TTC27: variants seen among roughly 807,000 people sequenced by gnomAD.
TTC27 encodes tetratricopeptide repeat domain 27, also known as tetratricopeptide repeat protein 27.
TTC27 carries 79 observed loss-of-function variants against 115.9 expected under a neutral mutation model. That is an observed-to-expected ratio of 0.68 (90% CI 0.57 to 0.82). TTC27 has a LOEUF of 0.82. TTC27 is among the 40% of genes least tolerant of loss of function. The pLI, the probability that TTC27 is intolerant of heterozygous loss-of-function variation, is 0.00. For missense variants in TTC27, 1,054 were observed against 993.1 expected, an observed-to-expected ratio of 1.06 and a Z score of -0.82; for synonymous variants, 401 against 356.0, an observed-to-expected ratio of 1.13 and a Z score of -1.42.
intron 5 of TTC27, among the ~76,000 whole-genome samples, chr2:32,663,616 TC>T (rs1330058047): frequency 6.6e-6 from 1 of 151,978 alleles, no homozygotes; most frequent in Admixed American, 6.6e-5. Flanking sequence ...CTATTGGCCA[TC>T]TTGACAGCCA....
chr2:32,650,166 T>G lies in TTC27; in HGVS notation c.573T>G (p.Ile191Met). The G allele has an allele frequency of 6.2e-7, 1 of 1,613,940 alleles. No individual in the cohort carries two copies. Among genetic ancestry groups the G allele is most frequent in the Admixed American group, 1.7e-5 (1 of 60,008 alleles). ...LPWWTLRCVN[I>M]HQHLLEERSP... Reference sequence around the variant, plus strand: ...GGTGGACTTTGAGATGTGTGAATATTCATCAGCATTTGCTTGAGGAACGCT... The same window carrying G: ...GGTGGACTTTGAGATGTGTGAATATGCATCAGCATTTGCTTGAGGAACGCT... Residue 191 changes from isoleucine to methionine, a missense_variant, in exon 5 of 20, where the codon ATT becomes ATG. Transcript: ENST00000317907.
intron 9 of TTC27, among the ~76,000 whole-genome samples, chr2:32,696,266 GTTTAT>G (rs144957414): frequency 1.9e-4 from 28 of 150,430 alleles, no homozygotes; most frequent in African/African-American, 6.3e-4. Flanking sequence ...CCACATTTTT[GTTTAT>G]TTTATTTTAT....
At chr2:32,701,073 A>C (rs745331434) in intron 9 of TTC27, among the ~76,000 whole-genome samples, 12 of 152,144 alleles carry the variant, frequency 7.9e-5, no homozygotes, top group Non-Finnish European at 1.5e-4. Flanking sequence ...TAATTTGCAA[A>C]GTTAATTATA....
intron 10 of TTC27, among the ~76,000 whole-genome samples, chr2:32,721,907 C>T (rs1353093239): frequency 3.9e-5 from 6 of 152,260 alleles, no homozygotes; most frequent in East Asian, 3.9e-4. Context: ...TATAAGTCAC[C>T]GTGCCTAGCA....
chr2:32,639,010 T>TACC (rs1478849161), intron 3 of TTC27, among the ~76,000 whole-genome samples: 3 of 152,018 alleles, frequency 2.0e-5, no homozygotes, highest in African/African-American at 4.8e-5. Flanking sequence ...TTTTTTGTAG[T>TACC]TTTAATAGAG....
intron 9 of TTC27, among the ~76,000 whole-genome samples, chr2:32,700,585 C>T (rs894778483): frequency 6.6e-6 from 1 of 152,016 alleles, no homozygotes; most frequent in Non-Finnish European, 1.5e-5. Context: ...TTGCCTAGAT[C>T]GAAGTGCAGT....
At chr2:32,797,547 T>A (rs1030419274) in intron 16 of TTC27, among the ~76,000 whole-genome samples, 4 of 152,196 alleles carry the variant, frequency 2.6e-5, no homozygotes, top group Non-Finnish European at 4.4e-5. Context: ...CTGGGAAAAC[T>A]GCATATCCAC....
intron 14 of TTC27, among the ~76,000 whole-genome samples, chr2:32,781,661 G>A (rs1210574751): frequency 6.6e-6 from 1 of 151,952 alleles, no homozygotes; most frequent in Non-Finnish European, 1.5e-5. Context: ...GACCAGGCTA[G>A]TCTCAAACTC....
At chr2:32,783,030 T>C (rs1670234436) in intron 15 of TTC27, among the ~76,000 whole-genome samples, 1 of 152,210 alleles carries the variant, frequency 6.6e-6, no homozygotes, top group Non-Finnish European at 1.5e-5. Flanking sequence ...TGCTTTGTAC[T>C]AGACATTATT....
chr2:32,631,818 CT>C (rs890198060), intron 2 of TTC27, among the ~76,000 whole-genome samples: 336 of 143,492 alleles, frequency 2.3e-3, no homozygotes, highest in Middle Eastern at 3.5e-3. Context: ...TTTCTTTTTT[CT>C]TTTTTTTTTT....
chr2:32,775,264 C>T (rs561661181), intron 13 of TTC27, among the ~76,000 whole-genome samples: 6 of 152,342 alleles, frequency 3.9e-5, no homozygotes, highest in African/African-American at 1.4e-4. Flanking sequence ...GTGGCGCCAT[C>T]TCAGCTCACT....
At chr2:32,760,444 G>C (rs1320329344) in intron 13 of TTC27, among the ~76,000 whole-genome samples, 1 of 152,084 alleles carries the variant, frequency 6.6e-6, no homozygotes, top group East Asian at 1.9e-4. Context: ...GACATCGAGT[G>C]GGTGGAGGCC....
intron 13 of TTC27, among the ~76,000 whole-genome samples, chr2:32,777,131 A>G (rs1373485970): frequency 6.6e-6 from 1 of 152,240 alleles, no homozygotes; most frequent in Non-Finnish European, 1.5e-5. Context: ...AATTAATTTC[A>G]GGCATGCCTA....
chr2:32,688,963 A>G (rs1307944359), intron 9 of TTC27, among the ~76,000 whole-genome samples: 1 of 152,130 alleles, frequency 6.6e-6, no homozygotes, highest in Non-Finnish European at 1.5e-5. Flanking sequence ...AAACAACCCA[A>G]ATGTCCATCA....
At chr2:32,760,333 G>A (rs950001878) in intron 13 of TTC27, among the ~76,000 whole-genome samples, 39 of 152,214 alleles carry the variant, frequency 2.6e-4, no homozygotes, top group Admixed American at 1.1e-3. Flanking sequence ...TTGACAGTTT[G>A]CTCTAAGTCA....
intron 10 of TTC27, among the ~76,000 whole-genome samples, chr2:32,717,216 C>T (rs572025496): frequency 2.0e-4 from 31 of 152,234 alleles, no homozygotes; most frequent in African/African-American, 7.2e-4. Flanking sequence ...TCAAGTGATA[C>T]TCCCACCTCA....
In TTC27 at chr2:32,644,351, C is replaced by CA. The variant is rs775944771; in HGVS notation, c.537+3954dup. ...AGGCGACAGAGTGAGACTCTGTCTC[C>CA]AAAAAAAAAAAAAGTATGTTAAGCA... is the stretch of plus-strand genomic sequence containing the variant. On this transcript the variant is annotated intron_variant, in intron 4 of 19. Transcript: ENST00000317907. 3.5e-3 allele frequency among the ~76,000 whole-genome samples: 393 copies of CA among 113,410 alleles called. 1 individual carries two copies. Among genetic ancestry groups the CA allele is most frequent in the Middle Eastern group, 9.3e-3 (2 of 214 alleles). The allele number at this position is 113,410 out of a possible 152,430, so 74.4% of individuals were successfully genotyped here. A position where few individuals can be genotyped will look rare whatever the true frequency, so the allele number is the denominator to read the frequency against.
At chr2:32,740,635 CTTTA>C (rs1161903380) in intron 12 of TTC27, among the ~76,000 whole-genome samples, 22 of 151,952 alleles carry the variant, frequency 1.4e-4, no homozygotes, top group Admixed American at 1.2e-3. Flanking sequence ...TTACAGACAA[CTTTA>C]TTTATTTATT....
intron 9 of TTC27, among the ~76,000 whole-genome samples, chr2:32,691,968 A>C (rs756475598): frequency 4.0e-5 from 6 of 149,622 alleles, no homozygotes; most frequent in Non-Finnish European, 8.9e-5. Context: ...ACATGGTTGC[A>C]AATGGCATGA....
Sources: gnomAD v4.1 joint callset for allele counts (sites outside exome capture counted in the v4.1 genomes callset) on GRCh38, gnomAD v4.1.1 for gene constraint, MANE v1.5 for transcripts, NCBI Gene and HGNC (gene_info 2026-07-23, HGNC 2026-07-21) for gene names.